DCC: variants seen among roughly 807,000 people sequenced by gnomAD.
DCC encodes DCC netrin 1 receptor.
In DCC, 58 loss-of-function variants were observed where a neutral mutation model predicts 172.5. The ratio of observed to expected loss-of-function variants is 0.34; its 90% CI spans 0.27 to 0.42. The LOEUF (loss-of-function observed/expected upper bound fraction) is 0.42. DCC is among the 10% of genes least tolerant of loss of function. The pLI, the probability that DCC is intolerant of heterozygous loss-of-function variation, is 1.00. For missense variants in DCC, 1,740 were observed against 1,791.0 expected (o/e 0.97, Z 0.51); for synonymous variants, 709 against 644.5 (o/e 1.10, Z -1.52).
At chr18:52,898,786 CA>C (rs1177507095) in intron 2 of DCC, among the ~76,000 whole-genome samples, 1 of 151,898 alleles carries the variant, frequency 6.6e-6, no homozygotes, top group Non-Finnish European at 1.5e-5. Flanking sequence ...TGCCTGGTGA[CA>C]GCAAATATTT....
intron 15 of DCC, among the ~76,000 whole-genome samples, chr18:53,362,860 C>T (rs2057962594): frequency 6.6e-6 from 1 of 152,106 alleles, no homozygotes; most frequent in African/African-American, 2.4e-5. Flanking sequence ...AGGAAACACA[C>T]TTAATACATG....
chr18:53,292,865 A>G (rs1371582793), intron 12 of DCC, among the ~76,000 whole-genome samples: 1 of 152,160 alleles, frequency 6.6e-6, no homozygotes, highest in African/African-American at 2.4e-5. Context: ...ATTTATTTTT[A>G]TGTCTGTGAA....
intron 5 of DCC, among the ~76,000 whole-genome samples, chr18:52,955,685 T>C (rs1269891051): frequency 1.3e-5 from 2 of 152,164 alleles, no homozygotes; most frequent in East Asian, 3.8e-4. Flanking sequence ...AGAGTTCCTC[T>C]TGCTCCACAA....
At chr18:53,190,894 C>T (rs1452099230) in intron 9 of DCC, among the ~76,000 whole-genome samples, 4 of 152,084 alleles carry the variant, frequency 2.6e-5, no homozygotes, top group Non-Finnish European at 5.9e-5. Context: ...TGCAGTGAGC[C>T]GAGATCGCGT....
rs1911371061 is a variant in DCC, at chr18:53,428,998, T to A, written c.3164-6146T>A. On this transcript the variant is annotated intron_variant, in intron 21 of 28. Transcript: ENST00000442544. ...ACATATATATATTTTATATATTTTT[T>A]ATATAATATATATTTTATATATTTT... is the stretch of plus-strand genomic sequence containing the variant. Among the ~76,000 whole-genome samples the A allele has an allele frequency of 7.6e-5, 6 of 78,628 alleles. 2 individuals carry two copies. The highest frequency in any genetic ancestry group is 1.2e-4 in the Non-Finnish European group (5 of 41,564). 51.6% of individuals were successfully genotyped at this position (78,628 alleles called of 152,430 possible). A position where few individuals can be genotyped will look rare whatever the true frequency, so the allele number is the denominator to read the frequency against.
At chr18:53,177,630 C>G (rs1306492776) in intron 8 of DCC, among the ~76,000 whole-genome samples, 1 of 152,112 alleles carries the variant, frequency 6.6e-6, no homozygotes, top group Non-Finnish European at 1.5e-5. Context: ...ATCATGCTTC[C>G]CTACCTCAAG....
At chr18:52,503,611 A>G (rs2218282) in intron 1 of DCC, among the ~76,000 whole-genome samples, 8,715 of 152,164 alleles carry the variant, frequency 0.057, 306 homozygotes, top group South Asian at 0.12. Flanking sequence ...GTCTGCTGAG[A>G]TGACCATGGG....
intron 15 of DCC, among the ~76,000 whole-genome samples, chr18:53,364,315 A>G (rs886120484): frequency 3.9e-5 from 6 of 152,024 alleles, no homozygotes; most frequent in African/African-American, 7.2e-5. Flanking sequence ...AGAACTTAAT[A>G]TTTCTATTTT....
At chr18:53,207,149 A>G (rs533888236) in intron 10 of DCC, among the ~76,000 whole-genome samples, 1 of 152,270 alleles carries the variant, frequency 6.6e-6, no homozygotes, top group East Asian at 1.9e-4. Context: ...CTGATTCCTC[A>G]GTAACCTTCA....
At chr18:52,808,901 A>G (rs1056993835) in intron 2 of DCC, among the ~76,000 whole-genome samples, 4 of 152,300 alleles carry the variant, frequency 2.6e-5, no homozygotes, top group Non-Finnish European at 5.9e-5. Flanking sequence ...GGACTTAATG[A>G]CCAATTAAAG....
chr18:52,644,840 G>GAAAA, intron 1 of DCC, among the ~76,000 whole-genome samples: 1 of 150,402 alleles, frequency 6.6e-6, no homozygotes, highest in Admixed American at 6.6e-5. Context: ...AGGGAGGGAA[G>GAAAA]GAGGGAGGGA....
chr18:53,122,612 C>T (rs1025955425), intron 7 of DCC, among the ~76,000 whole-genome samples: 3 of 152,010 alleles, frequency 2.0e-5, no homozygotes, highest in African/African-American at 7.2e-5. Flanking sequence ...ACCATATTAG[C>T]TTTGCTCCAC....
intron 21 of DCC, among the ~76,000 whole-genome samples, chr18:53,429,080 T>A (rs1424460318): frequency 1.2e-5 from 1 of 86,004 alleles, no homozygotes; most frequent in Admixed American, 1.7e-4. Flanking sequence ...TAATATATAT[T>A]TTATATAATA....
chr18:53,520,985 T>C (rs2046393102), intron 27 of DCC, among the ~76,000 whole-genome samples: 2 of 152,080 alleles, frequency 1.3e-5, no homozygotes, highest in Admixed American at 6.6e-5. Context: ...CTACTAGAAT[T>C]TTATTGAAAT....
intron 5 of DCC, among the ~76,000 whole-genome samples, chr18:52,953,207 TTACAGAAATA>T (rs2040687022): frequency 6.6e-6 from 1 of 151,980 alleles, no homozygotes; most frequent in African/African-American, 2.4e-5. Context: ...AACAGGTGAG[TTACAGAAATA>T]TTTCAAAGTC....
intron 1 of DCC, among the ~76,000 whole-genome samples, chr18:52,506,694 G>C (rs1362732151): frequency 1.3e-5 from 2 of 152,014 alleles, no homozygotes; most frequent in Non-Finnish European, 1.5e-5. Context: ...TCTGGAAATA[G>C]TGTCTTTCTA....
At chr18:53,091,396 A>G (rs2043006991) in intron 7 of DCC, among the ~76,000 whole-genome samples, 1 of 145,680 alleles carries the variant, frequency 6.9e-6, no homozygotes, top group Admixed American at 7.0e-5. Context: ...AATTATATAT[A>G]AATATATATG....
intron 12 of DCC, among the ~76,000 whole-genome samples, chr18:53,294,536 T>TA (rs1598992496): frequency 6.6e-6 from 1 of 152,158 alleles, no homozygotes; most frequent in East Asian, 1.9e-4. Flanking sequence ...AGGGTGGGTG[T>TA]ATTTTGGAAG....
At chr18:53,499,574 T>C (rs2046071069) in intron 27 of DCC, 64 bp downstream of exon 27, 1 of 1,325,382 alleles carries the variant, frequency 7.5e-7, no homozygotes. Flanking sequence ...TTTAAGTGCA[T>C]GAGGGTGCTT....
Sources: allele counts gnomAD v4.1 joint callset (sites outside exome capture counted in the v4.1 genomes callset), GRCh38; gene constraint gnomAD v4.1.1; transcripts MANE v1.5; gene names NCBI Gene and HGNC (gene_info 2026-07-23, HGNC 2026-07-21).